Variants in ZNF16 observed in about 807,000 individuals in gnomAD.
The protein encoded by ZNF16 is zinc finger protein 16.
In ZNF16, 7 loss-of-function variants were observed where a neutral mutation model predicts 9.0. The ratio of observed to expected loss-of-function variants is 0.78; its 90% CI spans 0.44 to 1.47. ZNF16 has a LOEUF of 1.47. Ranked by LOEUF, ZNF16 falls within the 40% of genes most tolerant of loss-of-function variation. The pLI is 0.01. For synonymous variants in ZNF16, 312 were observed against 301.5 expected (o/e 1.03, Z -0.36); for missense variants, 830 against 854.2 (o/e 0.97, Z 0.35).
At chr8:144,939,012 C>T (rs930628322) in intron 2 of ZNF16, among the ~76,000 whole-genome samples, 3 of 151,974 alleles carry the variant, frequency 2.0e-5, no homozygotes, top group Admixed American at 2.0e-4. Context: ...TTTTCTCCTT[C>T]GTTCTATTAA....
At chr8:144,946,793 C>T (rs1278384409) in intron 1 of ZNF16, among the ~76,000 whole-genome samples, 1 of 113,878 alleles carries the variant, frequency 8.8e-6, no homozygotes, top group East Asian at 2.8e-4. Flanking sequence ...TGCTGTGGGC[C>T]TGTGTCCTGC....
Position 144,946,200 on chromosome 8 carries a change from T to C in ZNF16, c.7A>G (p.Ser3Gly). 2 of 1,516,902 alleles carry C rather than the reference T, an allele frequency of 1.3e-6. No individual in the cohort carries two copies. The highest frequency in any genetic ancestry group is 1.8e-6 in the Non-Finnish European group (2 of 1,126,200). 94.0% of individuals were successfully genotyped at this position (1,516,902 alleles called of 1,614,324 possible). MP[S>G]LRTRREEAEM... ...GCCTCCTCACGGCGAGTTCTGAGGC[T>C]GGGCATGACAAGGACCTGAAAACCG... The change falls in exon 2 of 3, where the codon AGC becomes GGC. Residue 3 changes from serine to glycine, a missense_variant. Physicochemically the swap from Ser to Gly is moderately conservative, Grantham distance 56. Coordinates refer to ENST00000394909, the MANE Select transcript of ZNF16 (RefSeq NM_006958.3).
rs770176280 is a variant in ZNF16, at chr8:144,930,999, A to C, written c.1788T>G (p.Thr596=). 2.5e-6 allele frequency: 4 copies of C among 1,614,096 alleles called. No homozygotes were observed. Among genetic ancestry groups the C allele is most frequent in the African/African-American group, 1.3e-5 (1 of 74,944 alleles). The change falls in exon 3 of 3, where the codon ACT becomes ACG. Residue 596 remains threonine (T), a synonymous_variant. Transcript: ENST00000394909. ...CAACACAGGTGTAGGGTTTTTCCCC[A>C]GTATGAACTTTCTGGTGGTGAATGA... ...SNLIHHQKVH[T]GEKPYTCVEC... is the part of the protein sequence containing the mutation.
chr8:144,934,430 A>G (rs1833633518), intron 2 of ZNF16, among the ~76,000 whole-genome samples: 1 of 151,990 alleles, frequency 6.6e-6, no homozygotes, highest in Admixed American at 6.5e-5. Flanking sequence ...GCTGTTATAC[A>G]CTCCACATGG....
intron 2 of ZNF16, among the ~76,000 whole-genome samples, chr8:144,935,502 G>A (rs528448429): frequency 9.2e-5 from 14 of 152,162 alleles, no homozygotes; most frequent in Non-Finnish European, 1.8e-4. Context: ...CACCATGCCC[G>A]GCCAAAGAAC....
chr8:144,930,934 T>A lies in ZNF16; in HGVS notation c.1853A>T (p.Gln618Leu). 1 of 1,613,388 alleles carries A rather than the reference T, an allele frequency of 6.2e-7. No homozygotes were observed. The highest frequency in any genetic ancestry group is 8.5e-7 in the Non-Finnish European group (1 of 1,179,652). The change falls in exon 3 of 3, where the codon CAG becomes CTG. Residue 618 changes from glutamine to leucine, a missense_variant. Physicochemically the swap from Gln to Leu is moderately radical, Grantham distance 113 (BLOSUM62 -2). Coordinates refer to ENST00000394909, the MANE Select transcript of ZNF16 (RefSeq NM_006958.3). ...KGFSQSSHLI[Q>L]HQIIHTGERP... ...CTCGCCCGTGTGGATTATCTGATGC[T>A]GAATGAGGTGTGAGCTCTGGCTGAA...
chr8:144,934,341 C>T (rs569820258), intron 2 of ZNF16, among the ~76,000 whole-genome samples: 1 of 152,380 alleles, frequency 6.6e-6, no homozygotes, highest in Admixed American at 6.5e-5. Flanking sequence ...GGCCTCTCCT[C>T]TCCCACAGAG....
chr8:144,940,313 T>C (rs1355877659), intron 2 of ZNF16, among the ~76,000 whole-genome samples: 1 of 152,162 alleles, frequency 6.6e-6, no homozygotes, highest in East Asian at 1.9e-4. Flanking sequence ...ACTCCTGGGC[T>C]TAAGCGATCC....
chr8:144,931,372 T>C lies in ZNF16; in HGVS notation c.1415A>G (p.Tyr472Cys), dbSNP rs779991772. The change falls in exon 3 of 3, where the codon TAT (tyrosine) becomes TGT (cysteine). Residue 472 changes from tyrosine to cysteine, a missense_variant. Coordinates refer to ENST00000394909, the MANE Select transcript of ZNF16 (RefSeq NM_006958.3). ...CTGGTGCTTTCGGAGCACTGAGCTATAACTAAAGGCTTTTCCACATACATT... is the reference window on the plus strand; with the variant it reads ...CTGGTGCTTTCGGAGCACTGAGCTACAACTAAAGGCTTTTCCACATACATT... ...VCNVCGKAFS[Y>C]SSVLRKHQII... 1.9e-6 allele frequency: 3 copies of C among 1,614,130 alleles called. No homozygotes were observed. The highest frequency in any genetic ancestry group is 2.2e-5 in the South Asian group (2 of 91,078).
At chr8:144,940,724 G>T (rs1381582529) in intron 2 of ZNF16, among the ~76,000 whole-genome samples, 3 of 152,198 alleles carry the variant, frequency 2.0e-5, no homozygotes, top group Non-Finnish European at 4.4e-5. Context: ...ACTGTAACAA[G>T]ATACATTAGA....
chr8:144,946,597 ATCCTGCTGTTGGGCTTGTG>A lies in ZNF16; in HGVS notation c.-9-401_-9-383del, dbSNP rs1185544498. On this transcript the variant is annotated intron_variant, in intron 1 of 2. Coordinates refer to ENST00000394909, the MANE Select transcript of ZNF16 (RefSeq NM_006958.3). Reference sequence around the variant, plus strand: ...GGCCTGTGTCCTGCTGTGGGTCTGTATCCTGCTGTTGGGCTTGTGTCCTGCTGTTGGGCCTGTGTCCTGC... The same window carrying A: ...GGCCTGTGTCCTGCTGTGGGTCTGTATCCTGCTGTTGGGCCTGTGTCCTGC... Among the ~76,000 whole-genome samples the A allele has an allele frequency of 4.3e-4, 35 of 81,634 alleles. 3 individuals are homozygous for A. Among genetic ancestry groups the A allele is most frequent in the African/African-American group, 9.5e-4 (19 of 19,928 alleles). 53.6% of individuals were successfully genotyped at this position (81,634 alleles called of 152,430 possible).
intron 2 of ZNF16, among the ~76,000 whole-genome samples, chr8:144,941,691 C>T (rs1363918366): frequency 3.4e-5 from 5 of 149,072 alleles, no homozygotes; most frequent in African/African-American, 1.0e-4. Context: ...GAGACAGTCT[C>T]GCTGTCACCC....
Position 144,930,732 on chromosome 8 carries a change from A to G in ZNF16, c.*6T>C. The G allele has an allele frequency of 3.9e-6, 6 of 1,519,478 alleles. No homozygotes were observed. The highest frequency in any genetic ancestry group is 5.3e-6 in the Non-Finnish European group (6 of 1,135,626). The allele number at this position is 1,519,478 out of a possible 1,614,324, so 94.1% of individuals were successfully genotyped here. On this transcript the variant is annotated 3_prime_UTR_variant, in exon 3 of 3. Transcript: ENST00000394909. ...TGCTCGGTTTCACTCCTGCCAGCCC[A>G]ACAGCCTATTCCCTGGTGTGAATCA...
chr8:144,932,187 C>G lies in ZNF16; in HGVS notation c.600G>C (p.Glu200Asp). The G allele has an allele frequency of 6.2e-7, 1 of 1,614,194 alleles. No individual in the cohort carries two copies. Among genetic ancestry groups the G allele is most frequent in the South Asian group, 1.1e-5 (1 of 91,082 alleles). The change falls in exon 3 of 3, where the codon GAG (glutamate) becomes GAC (aspartate). Residue 200 changes from glutamate to aspartate, a missense_variant. Transcript: ENST00000394909. This position sits in a 1 kb window ranked among gnomAD's most constrained non-coding sequence, Gnocchi z 5.0. ...FQHSVDLTGH[E>D]GVPTAESPLI... ...GTGGACTTTCAGCTGTGGGAACCCC[C>G]TCATGACCAGTTAGGTCCACACTGT...
chr8:144,942,188 C>G (rs904532770), intron 2 of ZNF16, among the ~76,000 whole-genome samples: 3 of 150,790 alleles, frequency 2.0e-5, no homozygotes, highest in East Asian at 3.9e-4. Context: ...CTGTGTTAGC[C>G]GGGATGGTCT....
intron 2 of ZNF16, among the ~76,000 whole-genome samples, chr8:144,940,314 T>A (rs1235016609): frequency 2.6e-5 from 4 of 152,118 alleles, no homozygotes; most frequent in Non-Finnish European, 5.9e-5. Flanking sequence ...CTCCTGGGCT[T>A]AAGCGATCCA....
chr8:144,950,123 C>A (rs977250752), intron 1 of ZNF16, among the ~76,000 whole-genome samples: 2 of 152,032 alleles, frequency 1.3e-5, no homozygotes, highest in Non-Finnish European at 2.9e-5. Flanking sequence ...ACAAATCTGG[C>A]CTACGTGCCC....
At chr8:144,940,942 G>C (rs1006962211) in intron 2 of ZNF16, among the ~76,000 whole-genome samples, 4 of 152,116 alleles carry the variant, frequency 2.6e-5, no homozygotes, top group African/African-American at 9.7e-5. Flanking sequence ...CCATTCACAG[G>C]GCTCTGCTCT....
intron 2 of ZNF16, among the ~76,000 whole-genome samples, chr8:144,935,453 G>A (rs1327133297): frequency 2.0e-5 from 3 of 151,348 alleles, no homozygotes; most frequent in Non-Finnish European, 2.9e-5. Flanking sequence ...TGATCTACCC[G>A]CCTCGGCCTC....
Sources: allele counts gnomAD v4.1 joint callset (sites outside exome capture counted in the v4.1 genomes callset), GRCh38; gene constraint gnomAD v4.1.1; non-coding constraint Gnocchi (gnomAD v3.1); transcripts MANE v1.5; gene names NCBI Gene and HGNC (gene_info 2026-07-23, HGNC 2026-07-21).